HYCC2: variants seen among roughly 807,000 people sequenced by gnomAD.
HYCC2 encodes hyccin PI4KA lipid kinase complex subunit 2, also known as hyccin 2.
chr2:200,987,574 C>G, the HYCC2 span: 1 of 1,270,672 alleles, frequency 7.9e-7, no homozygotes. Flanking sequence ...TTATGCTGCT[C>G]TATTATTTTC....
chr2:201,001,833 G>A, the HYCC2 span, among the ~76,000 whole-genome samples: 8 of 151,992 alleles, frequency 5.3e-5, 1 homozygote, highest in Middle Eastern at 3.4e-3. Context: ...CACCACACCC[G>A]GCTAATTTTT....
chr2:201,064,222 G>A, the HYCC2 span, among the ~76,000 whole-genome samples: 1 of 152,044 alleles, frequency 6.6e-6, no homozygotes, highest in Non-Finnish European at 1.5e-5. Flanking sequence ...CTCGAGGACT[G>A]TATTTGTGAC....
chr2:201,011,240 G>A, the HYCC2 span: 39 of 471,164 alleles, frequency 8.3e-5, no homozygotes, highest in South Asian at 3.1e-4. Flanking sequence ...TACCTCTCTC[G>A]TCACAGCTCA....
chr2:200,997,214 C>A, the HYCC2 span: 1 of 355,802 alleles, frequency 2.8e-6, no homozygotes, highest in Non-Finnish European at 5.2e-6. Context: ...ATGATTGAGC[C>A]ACTGTACTCC....
the HYCC2 span, among the ~76,000 whole-genome samples, chr2:201,007,170 G>A: frequency 6.6e-6 from 1 of 152,090 alleles, no homozygotes; most frequent in Non-Finnish European, 1.5e-5. Context: ...CAAAGACCAG[G>A]GGACAGCCTG....
At chr2:201,016,597 TTTTAA>T in the HYCC2 span, among the ~76,000 whole-genome samples, 1 of 151,810 alleles carries the variant, frequency 6.6e-6, no homozygotes, top group Non-Finnish European at 1.5e-5. Flanking sequence ...TATTTATTAT[TTTTAA>T]TTTTTTTTTT....
chr2:201,021,306 T>C, the HYCC2 span: 1 of 153,608 alleles, frequency 6.5e-6, no homozygotes, highest in South Asian at 2.1e-4. Context: ...AGGAGAGAAA[T>C]TCAGACCTCC....
At chr2:200,985,962 C>A in the HYCC2 span, among the ~76,000 whole-genome samples, 2 of 152,164 alleles carry the variant, frequency 1.3e-5, no homozygotes, top group Non-Finnish European at 2.9e-5. Flanking sequence ...AGCATAAATA[C>A]TTCCAATATT....
At chr2:201,022,104 G>T in the HYCC2 span, 1 of 1,289,514 alleles carries the variant, frequency 7.8e-7, no homozygotes, top group Non-Finnish European at 1.0e-6. Flanking sequence ...AGGCACTCTT[G>T]GAGGCTGTAT....
At chr2:201,010,508 G>A in the HYCC2 span, among the ~76,000 whole-genome samples, 1 of 152,164 alleles carries the variant, frequency 6.6e-6, no homozygotes. Context: ...AAGAAGTTCA[G>A]CTCAACAGGT....
the HYCC2 span, among the ~76,000 whole-genome samples, chr2:201,008,687 G>A: frequency 0.026 from 4,006 of 152,192 alleles, 81 homozygotes; most frequent in Non-Finnish European, 0.04. Context: ...TTGAGGCCAG[G>A]AGTTCGAGAC....
At chr2:201,027,727 CAA>C in the HYCC2 span, among the ~76,000 whole-genome samples, 1 of 152,148 alleles carries the variant, frequency 6.6e-6, no homozygotes, top group African/African-American at 2.4e-5. Flanking sequence ...ATGATTATCT[CAA>C]TAGATGCAGA....
chr2:201,029,786 G>A, the HYCC2 span, among the ~76,000 whole-genome samples: 1 of 152,120 alleles, frequency 6.6e-6, no homozygotes, highest in Non-Finnish European at 1.5e-5. Context: ...TCATGAGGTG[G>A]GGGGATGGGG....
the HYCC2 span, among the ~76,000 whole-genome samples, chr2:201,037,560 C>G: frequency 6.6e-6 from 1 of 152,260 alleles, no homozygotes; most frequent in East Asian, 1.9e-4. Flanking sequence ...ACCAATGGAA[C>G]AGAACAGAGC....
At chr2:201,067,503 A>G in the HYCC2 span, among the ~76,000 whole-genome samples, 1 of 152,218 alleles carries the variant, frequency 6.6e-6, no homozygotes, top group African/African-American at 2.4e-5. Context: ...AATATATTAC[A>G]TAATTGAGTT....
At chr2:201,004,322 C>T in the HYCC2 span, among the ~76,000 whole-genome samples, 86 of 152,338 alleles carry the variant, frequency 5.6e-4, 3 homozygotes, top group East Asian at 0.016. Flanking sequence ...AGGTGACTGG[C>T]ACCTATGGGC....
the HYCC2 span, among the ~76,000 whole-genome samples, chr2:201,068,711 G>T: frequency 6.6e-6 from 1 of 152,180 alleles, no homozygotes; most frequent in African/African-American, 2.4e-5. Context: ...TTAAGGAGCA[G>T]AGCTACAAAG....
chr2:201,017,248 A>G, the HYCC2 span: 9 of 1,018,478 alleles, frequency 8.8e-6, no homozygotes, highest in Middle Eastern at 2.2e-4. Flanking sequence ...TAAGGCACCT[A>G]TATCTGTATA....
chr2:201,064,857 C>A, the HYCC2 span, among the ~76,000 whole-genome samples: 1 of 152,132 alleles, frequency 6.6e-6, no homozygotes, highest in Non-Finnish European at 1.5e-5. Context: ...GCAAAAAAAA[C>A]TGCCAACAGG....
Sources: gnomAD v4.1 joint callset for allele counts (sites outside exome capture counted in the v4.1 genomes callset) on GRCh38, gnomAD v4.1.1 for gene constraint, MANE v1.5 for transcripts, NCBI Gene and HGNC (gene_info 2026-07-23, HGNC 2026-07-21) for gene names.